The following ZFHX3 variants were observed in gnomAD, a reference collection of about 807,000 sequenced individuals.
The protein encoded by ZFHX3 is zinc finger homeobox protein 3.
Under a neutral mutation model 279.1 loss-of-function variants are expected in ZFHX3, and 42 were observed. The observed-to-expected ratio is 0.15, with a 90% CI of 0.12 to 0.19. The LOEUF (loss-of-function observed/expected upper bound fraction) is 0.19, where lower values mean the gene tolerates loss of function less well. Among genes scored for constraint, ZFHX3 ranks in the 10% least tolerant of loss-of-function variants. The pLI is 1.00. For missense variants in ZFHX3, 4,981 were observed against 4,754.0 expected (o/e 1.05, Z -1.40); for synonymous variants, 2,293 against 1,957.8 (o/e 1.17, Z -4.52).
intron 1 of ZFHX3, among the ~76,000 whole-genome samples, chr16:73,811,288 T>C (rs1227223331): frequency 6.6e-6 from 1 of 152,166 alleles, no homozygotes; most frequent in Admixed American, 6.6e-5. Context: ...TGTATCTACC[T>C]TCGGCAAAGC....
At chr16:73,169,033 A>T (rs1249685820) in intron 5 of ZFHX3, among the ~76,000 whole-genome samples, 1 of 152,194 alleles carries the variant, frequency 6.6e-6, no homozygotes, top group African/African-American at 2.4e-5. Context: ...GCATATTAGA[A>T]TCCTATCTTT....
intron 1 of ZFHX3, among the ~76,000 whole-genome samples, chr16:73,800,776 G>C (rs1050850837): frequency 3.9e-5 from 6 of 152,114 alleles, no homozygotes; most frequent in Non-Finnish European, 7.4e-5. Flanking sequence ...GAGTCAGCCA[G>C]CATCCTCTGG....
intron 1 of ZFHX3, among the ~76,000 whole-genome samples, chr16:73,035,154 CA>C (rs1047548883): frequency 2.8e-5 from 4 of 144,788 alleles, no homozygotes; most frequent in African/African-American, 5.0e-5. Flanking sequence ...AGATTTGGTA[CA>C]AAAAAAAGGG....
At chr16:72,903,307 G>A (rs2039086286) in intron 3 of ZFHX3, among the ~76,000 whole-genome samples, 1 of 152,200 alleles carries the variant, frequency 6.6e-6, no homozygotes, top group South Asian at 2.1e-4. Flanking sequence ...CTCTGGGAAT[G>A]TCAGATGTGC....
At chr16:73,261,911 G>A (rs948691853) in intron 4 of ZFHX3, among the ~76,000 whole-genome samples, 2 of 152,078 alleles carry the variant, frequency 1.3e-5, no homozygotes, top group African/African-American at 4.8e-5. Context: ...CTGACCTCAG[G>A]TGATCCACCC....
chr16:73,227,552 A>G (rs967454177), intron 5 of ZFHX3, among the ~76,000 whole-genome samples: 4 of 152,124 alleles, frequency 2.6e-5, no homozygotes, highest in African/African-American at 4.8e-5. Flanking sequence ...TTATAAGGCA[A>G]AAACATCCAA....
chr16:73,680,906 A>G (rs1012557792), intron 1 of ZFHX3, among the ~76,000 whole-genome samples: 17 of 152,220 alleles, frequency 1.1e-4, no homozygotes, highest in African/African-American at 3.9e-4. Context: ...ACTAGCTTCC[A>G]GTGAGCAGGA....
At position 72,907,329 on chromosome 16, in the gene ZFHX3, G is replaced by A. The variant is rs546623173; in HGVS notation, c.3217-17367C>T. The stretch of plus-strand genomic sequence containing the variant: ...GCTTTGATTCATTCATTCATTCCCC[G>A]TGTGTCTGTCTACATTCCTGCTGCT... On this transcript the variant is annotated intron_variant, in intron 3 of 9. Transcript: ENST00000268489. 9.7e-4 allele frequency among the ~76,000 whole-genome samples: 148 copies of A among 151,988 alleles called. 2 individuals are homozygous for A. The highest frequency in any genetic ancestry group is 3.4e-3 in the Middle Eastern group (1 of 294).
At chr16:72,990,632 T>C (rs1351588924) in intron 1 of ZFHX3, among the ~76,000 whole-genome samples, 1 of 152,192 alleles carries the variant, frequency 6.6e-6, no homozygotes, top group African/African-American at 2.4e-5. Context: ...GATTTTTGTC[T>C]AATAATGTAC....
intron 5 of ZFHX3, among the ~76,000 whole-genome samples, chr16:73,146,158 G>C (rs530600627): frequency 6.6e-6 from 1 of 152,094 alleles, no homozygotes; most frequent in Non-Finnish European, 1.5e-5. Flanking sequence ...GGCCGGGTGC[G>C]GTGACTCACG....
At chr16:73,366,478 T>C (rs1203621602) in intron 3 of ZFHX3, among the ~76,000 whole-genome samples, 1 of 151,744 alleles carries the variant, frequency 6.6e-6, no homozygotes, top group African/African-American at 2.4e-5. Flanking sequence ...ACACTGATAG[T>C]CCCAGTAGTT....
chr16:73,383,823 C>A (rs554719158), intron 3 of ZFHX3, among the ~76,000 whole-genome samples: 124 of 152,312 alleles, frequency 8.1e-4, no homozygotes, highest in Middle Eastern at 3.4e-3. Context: ...TGCTTGCCAA[C>A]GATGCTGGTC....
chr16:73,743,047 T>C (rs572029685), intron 1 of ZFHX3, among the ~76,000 whole-genome samples: 166 of 152,336 alleles, frequency 1.1e-3, no homozygotes, highest in Non-Finnish European at 2.0e-3. Context: ...AGTGCAGTTA[T>C]TCATACAGAC....
intron 3 of ZFHX3, among the ~76,000 whole-genome samples, chr16:72,917,869 A>ATG (rs1231427183): frequency 5.3e-5 from 8 of 152,332 alleles, no homozygotes; most frequent in African/African-American, 1.9e-4. Context: ...GGAAATATAT[A>ATG]TGTGTGTATA....
intron 4 of ZFHX3, among the ~76,000 whole-genome samples, chr16:73,297,296 A>C (rs1194559064): frequency 6.6e-6 from 1 of 151,970 alleles, no homozygotes; most frequent in African/African-American, 2.4e-5. Context: ...CCCAGGTCTC[A>C]AAGCCCACGT....
rs1456596940 is a variant in ZFHX3 at position 72,889,155 on chromosome 16, T to A, written c.3448+576A>T. On this transcript the variant is annotated intron_variant, in intron 4 of 9. Transcript: ENST00000268489. ...CTCCCACTAGCAGGTCTCGACGCAT[T>A]GAAGCAGCAAGCAGCATGGACCCAA... is the stretch of plus-strand genomic sequence containing the variant. 2.6e-5 allele frequency among the ~76,000 whole-genome samples: 4 copies of A among 151,960 alleles called. No individual in the cohort carries two copies. The East Asian group carries it at 7.7e-4, about 29-fold the overall frequency.
chr16:73,556,951 T>C (rs1328810703), intron 2 of ZFHX3, among the ~76,000 whole-genome samples: 1 of 151,412 alleles, frequency 6.6e-6, no homozygotes, highest in Admixed American at 6.6e-5. Flanking sequence ...AAAAATTAGC[T>C]GGGCATGGTG....
intron 5 of ZFHX3, among the ~76,000 whole-genome samples, chr16:72,821,560 T>C (rs2036790788): frequency 1.3e-5 from 2 of 152,194 alleles, no homozygotes; most frequent in South Asian, 4.1e-4. Flanking sequence ...GTTTTTTCAC[T>C]TGTTGTTTGC....
intron 2 of ZFHX3, among the ~76,000 whole-genome samples, chr16:73,645,067 G>T (rs925716581): frequency 7.2e-5 from 11 of 152,150 alleles, no homozygotes; most frequent in African/African-American, 2.7e-4. Context: ...TGTTAAATTT[G>T]CCAGAGCATC....
Sources: gnomAD v4.1 joint callset for allele counts (sites outside exome capture counted in the v4.1 genomes callset) on GRCh38, gnomAD v4.1.1 for gene constraint, MANE v1.5 for transcripts, NCBI Gene and HGNC (gene_info 2026-07-23, HGNC 2026-07-21) for gene names.